The following SLC39A10 variants were observed in gnomAD, a reference collection of about 807,000 sequenced individuals.
SLC39A10 encodes zinc transporter ZIP10.
SLC39A10 carries 13 observed loss-of-function variants against 65.1 expected under a neutral mutation model. The observed-to-expected ratio is 0.20, with a 90% CI of 0.13 to 0.32. The LOEUF (loss-of-function observed/expected upper bound fraction) is 0.32. SLC39A10 is among the 10% of genes least tolerant of loss of function. SLC39A10 has a pLI of 1.00. For missense variants in SLC39A10, 831 were observed against 1,018.4 expected, an observed-to-expected ratio of 0.82 and a Z score of 2.50; for synonymous variants, 321 against 342.2, an observed-to-expected ratio of 0.94 and a Z score of 0.68.
chr2:195,623,344 T>C (rs1688389652), intron 2 of SLC39A10, among the ~76,000 whole-genome samples: 2 of 152,224 alleles, frequency 1.3e-5, no homozygotes, highest in Non-Finnish European at 2.9e-5. Flanking sequence ...TAAGTAGTAA[T>C]ACTTAAATAT....
At chr2:195,621,711 AT>A in intron 2 of SLC39A10, among the ~76,000 whole-genome samples, 1 of 152,358 alleles carries the variant, frequency 6.6e-6, no homozygotes, top group Non-Finnish European at 1.5e-5. Flanking sequence ...TAATTCAGAG[AT>A]TTGCAAACTA....
chr2:195,676,868 T>G (rs1690111405), intron 1 of SLC39A10, among the ~76,000 whole-genome samples: 1 of 152,200 alleles, frequency 6.6e-6, no homozygotes. Context: ...CTTGGGAAGA[T>G]TTTATGTACC....
In SLC39A10 at chr2:195,708,685, A is replaced by G. The variant is rs775628957; in HGVS notation, c.1416A>G (p.Gln472=). 3.7e-6 allele frequency: 6 copies of G among 1,608,734 alleles called. No homozygotes were observed. The highest frequency in any genetic ancestry group is 2.2e-5 in the East Asian group (1 of 44,718). The change falls in exon 5 of 10, where the codon CAA becomes CAG. Residue 472 remains glutamine, a synonymous_variant. Coordinates refer to ENST00000359634, the MANE Select transcript of SLC39A10 (RefSeq NM_020342.3). ...HSQGGHDHSH[Q]HAHGHGHSHG... ...AGGGTGGACATGATCACAGTCACCAACATGCACATGGGCATGGACATTCTC... is the reference window on the plus strand; with the variant it reads ...AGGGTGGACATGATCACAGTCACCAGCATGCACATGGGCATGGACATTCTC...
Position 195,618,020 on chromosome 2 carries a change from T to G in SLC39A10, c.-12+11787T>G, listed in dbSNP as rs374488731. Among the ~76,000 whole-genome samples, 4 of 147,270 alleles carry G rather than the reference T, an allele frequency of 2.7e-5. No homozygotes were observed. The East Asian group carries it at 7.2e-4, about 26-fold the overall frequency. ...TCCCAAAGTGCTGGGATTACAGGCG[T>G]GAGCCACCTCGCCCGGCCTTGTCTC... On this transcript the variant is annotated intron_variant, in intron 2 of 2. Transcript: ENST00000458054.
intron 8 of SLC39A10, among the ~76,000 whole-genome samples, chr2:195,725,115 C>T (rs1196494551): frequency 6.6e-6 from 1 of 151,810 alleles, no homozygotes; most frequent in East Asian, 1.9e-4. Flanking sequence ...ACCTTTGACC[C>T]ATATCTCACT....
intron 8 of SLC39A10, among the ~76,000 whole-genome samples, chr2:195,722,459 A>G (rs2105836450): frequency 6.6e-6 from 1 of 152,300 alleles, no homozygotes; most frequent in East Asian, 1.9e-4. Flanking sequence ...TAAAAATATG[A>G]TTGTGGAGCC....
rs977251127 is a variant in SLC39A10 at position 195,737,196 on chromosome 2, T to G, written c.*2155T>G. The G allele has an allele frequency of 6.6e-6, 1 of 152,664 alleles. No individual in the cohort carries two copies. The highest frequency in any genetic ancestry group is 2.4e-5 in the African/African-American group (1 of 41,464). 9.5% of individuals were successfully genotyped at this position (152,664 alleles called of 1,614,324 possible). On this transcript the variant is annotated 3_prime_UTR_variant, in exon 10 of 10. Coordinates refer to ENST00000359634, the MANE Select transcript of SLC39A10 (RefSeq NM_020342.3). ...CTAGTATTAGGGTTCCACATCATTCTAATGTATAGTTTCAAGTCTTAATAG... is the reference window on the plus strand; with the variant it reads ...CTAGTATTAGGGTTCCACATCATTCGAATGTATAGTTTCAAGTCTTAATAG...
intron 1 of SLC39A10, among the ~76,000 whole-genome samples, chr2:195,679,466 G>A (rs1690221542): frequency 6.6e-6 from 1 of 152,088 alleles, no homozygotes; most frequent in South Asian, 2.1e-4. Context: ...AGCCGTTCTT[G>A]GCCCTTTCTA....
At chr2:195,672,722 T>C (rs1420170453) in intron 1 of SLC39A10, among the ~76,000 whole-genome samples, 1 of 152,212 alleles carries the variant, frequency 6.6e-6, no homozygotes, top group Non-Finnish European at 1.5e-5. Flanking sequence ...AGTCATTCAT[T>C]TGATGATGTC....
intron 2 of SLC39A10, among the ~76,000 whole-genome samples, chr2:195,632,084 G>C (rs1021527518): frequency 6.6e-6 from 1 of 151,474 alleles, no homozygotes; most frequent in East Asian, 2.0e-4. Flanking sequence ...GTAAAGATGG[G>C]GTCTCACTAT....
intron 2 of SLC39A10, among the ~76,000 whole-genome samples, chr2:195,633,865 C>A (rs1688644775): frequency 6.6e-6 from 1 of 151,386 alleles, no homozygotes; most frequent in Non-Finnish European, 1.5e-5. Context: ...GGGGTGAGGC[C>A]ATGGGTGGGA....
chr2:195,722,215 G>A (rs1229290301), intron 8 of SLC39A10, among the ~76,000 whole-genome samples: 2 of 152,172 alleles, frequency 1.3e-5, no homozygotes, highest in Non-Finnish European at 2.9e-5. Context: ...GATATGTCAA[G>A]CCAGAGTATA....
intron 1 of SLC39A10, chr2:195,671,658 G>T (rs1689863510): frequency 6.6e-6 from 1 of 152,146 alleles, no homozygotes; most frequent in South Asian, 2.1e-4. Context: ...CCATCTCAGA[G>T]ATCCTCTTTG....
At chr2:195,647,729 C>T (rs944312397) in intron 2 of SLC39A10, among the ~76,000 whole-genome samples, 6 of 151,552 alleles carry the variant, frequency 4.0e-5, no homozygotes, top group Non-Finnish European at 8.8e-5. Flanking sequence ...CACGAGACTA[C>T]AGGCAACTTA....
chr2:195,658,690 C>T (rs1559019157), intron 1 of SLC39A10: 1 of 152,136 alleles, frequency 6.6e-6, no homozygotes, highest in South Asian at 2.1e-4. Context: ...TATTAGGACT[C>T]TATTGTACAA....
At chr2:195,681,155 T>A in intron 2 of SLC39A10, 105 bp downstream of exon 2, 1 of 1,102,826 alleles carries the variant, frequency 9.1e-7, no homozygotes, top group Non-Finnish European at 1.3e-6. Flanking sequence ...ATATTTAAAC[T>A]TATTTCCATA....
intron 3 of SLC39A10, among the ~76,000 whole-genome samples, chr2:195,693,756 GTTTCA>G (rs1690834321): frequency 6.6e-6 from 1 of 151,846 alleles, no homozygotes; most frequent in Admixed American, 6.6e-5. Context: ...CCAACTTTTT[GTTTCA>G]TTTATCTTTT....
intron 8 of SLC39A10, among the ~76,000 whole-genome samples, chr2:195,721,272 C>T (rs1353024826): frequency 6.6e-6 from 1 of 152,158 alleles, no homozygotes; most frequent in Admixed American, 6.6e-5. Flanking sequence ...TTCACTTCTT[C>T]TCTCTACCTA....
At chr2:195,687,204 G>A (rs1030987633) in intron 3 of SLC39A10, among the ~76,000 whole-genome samples, 2 of 152,118 alleles carry the variant, frequency 1.3e-5, no homozygotes, top group African/African-American at 4.8e-5. Flanking sequence ...GCAGGAGAAA[G>A]GGGAAGCTAG....
Sources: gnomAD v4.1 joint callset for allele counts (sites outside exome capture counted in the v4.1 genomes callset) on GRCh38, gnomAD v4.1.1 for gene constraint, MANE v1.5 for transcripts, NCBI Gene and HGNC (gene_info 2026-07-23, HGNC 2026-07-21) for gene names.